Variants in SLC26A7 observed in about 807,000 individuals in gnomAD.
The protein encoded by SLC26A7 is solute carrier family 26 member 7, also known as anion exchange transporter.
A neutral mutation model predicts 82.5 loss-of-function variants in SLC26A7; 59 were observed. That is an observed-to-expected ratio of 0.72 (90% CI 0.58 to 0.89). The LOEUF (loss-of-function observed/expected upper bound fraction) is 0.89, where lower values mean the gene tolerates loss of function less well. Ranked by LOEUF, SLC26A7 falls within the 40% of genes least tolerant of loss-of-function variation. The probability of loss-of-function intolerance (pLI) is 0.00; values close to 1 mark genes in which losing one functional copy is unlikely to be tolerated. For synonymous variants in SLC26A7, 271 were observed against 274.3 expected, an observed-to-expected ratio of 0.99 and a Z score of 0.12; for missense variants, 820 against 793.0, an observed-to-expected ratio of 1.03 and a Z score of -0.41.
chr8:91,238,034 A>G (rs1374379263), intron 2 of SLC26A7, among the ~76,000 whole-genome samples: 1 of 152,172 alleles, frequency 6.6e-6, no homozygotes, highest in Non-Finnish European at 1.5e-5. Context: ...GTCACATGCA[A>G]ACATTTCTCT....
At chr8:91,299,819 C>CA (rs983146938) in intron 4 of SLC26A7, among the ~76,000 whole-genome samples, 1 of 151,406 alleles carries the variant, frequency 6.6e-6, no homozygotes, top group Non-Finnish European at 1.5e-5. Flanking sequence ...GGAGGAAAAG[C>CA]AAAAAAAGGC....
chr8:91,283,923 C>T (rs1011465792), intron 2 of SLC26A7, among the ~76,000 whole-genome samples: 1 of 152,000 alleles, frequency 6.6e-6, no homozygotes, highest in Admixed American at 6.6e-5. Flanking sequence ...CCTAGAGTTC[C>T]TTTTCTACCA....
chr8:91,348,630 G>C (rs1813630342), intron 9 of SLC26A7, among the ~76,000 whole-genome samples: 1 of 152,116 alleles, frequency 6.6e-6, no homozygotes, highest in Admixed American at 6.5e-5. Flanking sequence ...GCCAGTGTTT[G>C]CCCAGTGGGT....
At chr8:91,308,621 A>T (rs1245255677) in intron 4 of SLC26A7, among the ~76,000 whole-genome samples, 2 of 152,158 alleles carry the variant, frequency 1.3e-5, no homozygotes, top group Admixed American at 1.3e-4. Flanking sequence ...AGTGGAGGTT[A>T]TGTCAAGTGG....
intron 1 of SLC26A7, among the ~76,000 whole-genome samples, chr8:91,211,812 T>C (rs973170612): frequency 6.6e-6 from 1 of 151,892 alleles, no homozygotes; most frequent in African/African-American, 2.4e-5. Flanking sequence ...CTGCTTCTTA[T>C]GGGGTTTACA....
At chr8:91,355,293 G>A (rs1201518024) in intron 11 of SLC26A7, among the ~76,000 whole-genome samples, 1 of 151,990 alleles carries the variant, frequency 6.6e-6, no homozygotes, top group African/African-American at 2.4e-5. Context: ...TTCTGAGCAT[G>A]ACATAATCTT....
intron 11 of SLC26A7, among the ~76,000 whole-genome samples, chr8:91,358,108 C>A (rs899766010): frequency 6.6e-6 from 1 of 152,096 alleles, no homozygotes; most frequent in Non-Finnish European, 1.5e-5. Flanking sequence ...AGTCAGGAAA[C>A]AACAGGTGCT....
chr8:91,250,946 G>A (rs1448380596), intron 2 of SLC26A7, among the ~76,000 whole-genome samples: 1 of 151,966 alleles, frequency 6.6e-6, no homozygotes, highest in Non-Finnish European at 1.5e-5. Flanking sequence ...TCAGAAAAAT[G>A]CAAAGTAAAT....
At chr8:91,256,007 C>T (rs942153806) in intron 2 of SLC26A7, among the ~76,000 whole-genome samples, 10 of 152,216 alleles carry the variant, frequency 6.6e-5, no homozygotes, top group East Asian at 1.9e-4. Flanking sequence ...AACCCCTGTT[C>T]CATATATAGT....
chr8:91,221,028 A>T (rs1810152838), intron 2 of SLC26A7, among the ~76,000 whole-genome samples: 1 of 152,194 alleles, frequency 6.6e-6, no homozygotes, highest in Non-Finnish European at 1.5e-5. Context: ...CCTCACCAGC[A>T]TCTATTGTTC....
chr8:91,219,267 T>C, intron 2 of SLC26A7: 1 of 264,982 alleles, frequency 3.8e-6, no homozygotes, highest in Non-Finnish European at 7.0e-6. Context: ...AGTTATTTTT[T>C]CCTGCTGTTT....
chr8:91,229,378 G>T (rs1317530516), intron 2 of SLC26A7, among the ~76,000 whole-genome samples: 1 of 152,158 alleles, frequency 6.6e-6, no homozygotes, highest in African/African-American at 2.4e-5. Context: ...GGCAGGGCAT[G>T]AATTTTTCCC....
chr8:91,268,696 C>T (rs1811181687), intron 2 of SLC26A7, among the ~76,000 whole-genome samples: 1 of 151,664 alleles, frequency 6.6e-6, no homozygotes, highest in Admixed American at 6.6e-5. Flanking sequence ...TAAGGATTTA[C>T]TACTGTCATT....
intron 5 of SLC26A7, among the ~76,000 whole-genome samples, chr8:91,321,346 T>C (rs1812784657): frequency 6.6e-6 from 1 of 152,240 alleles, no homozygotes; most frequent in African/African-American, 2.4e-5. Flanking sequence ...CATGGCATAA[T>C]GCCTTCCCCT....
intron 3 of SLC26A7, among the ~76,000 whole-genome samples, chr8:91,292,742 T>TA (rs1215497134): frequency 4.0e-5 from 6 of 151,808 alleles, no homozygotes; most frequent in East Asian, 1.9e-4. Context: ...GTTTTTTTTT[T>TA]AAAAAAAGGA....
At chr8:91,339,494 A>C (rs1392028044) in intron 7 of SLC26A7, among the ~76,000 whole-genome samples, 2 of 152,148 alleles carry the variant, frequency 1.3e-5, no homozygotes, top group African/African-American at 4.8e-5. Flanking sequence ...AGTGGGTATA[A>C]TGATGCTTGG....
At chr8:91,343,274 T>G (rs1813468290) in intron 8 of SLC26A7, 79 bp from the exon 9 acceptor site, 1 of 874,110 alleles carries the variant, frequency 1.1e-6, no homozygotes. Flanking sequence ...ACAAGCCTCA[T>G]TATGTGACAA....
intron 1 of SLC26A7, among the ~76,000 whole-genome samples, chr8:91,216,090 G>A (rs186765025): frequency 6.6e-6 from 1 of 152,166 alleles, no homozygotes; most frequent in Admixed American, 6.5e-5. Context: ...GAAAAATATT[G>A]TATAAGAAAT....
intron 11 of SLC26A7, among the ~76,000 whole-genome samples, chr8:91,359,500 A>T (rs1813985450): frequency 6.6e-6 from 1 of 152,206 alleles, no homozygotes; most frequent in East Asian, 1.9e-4. Context: ...TCTCCTACTT[A>T]GACGTGATAG....
Sources: gnomAD v4.1 joint callset for allele counts (sites outside exome capture counted in the v4.1 genomes callset) on GRCh38, gnomAD v4.1.1 for gene constraint, MANE v1.5 for transcripts, NCBI Gene and HGNC (gene_info 2026-07-23, HGNC 2026-07-21) for gene names.